The following DPYS variants were observed in gnomAD, a reference collection of about 807,000 sequenced individuals.
DPYS encodes dihydropyrimidinase, also known as dihydropyrimidine amidohydrolase.
A neutral mutation model predicts 50.3 loss-of-function variants in DPYS; 39 were observed. That is an observed-to-expected ratio of 0.78 (90% CI 0.60 to 1.01). The LOEUF is 1.01. Ranked by LOEUF, DPYS falls within the 50% of genes least tolerant of loss-of-function variation. The pLI, the probability that DPYS is intolerant of heterozygous loss-of-function variation, is 0.00. For missense variants in DPYS, 659 were observed against 680.9 expected (o/e 0.97, Z 0.36); for synonymous variants, 245 against 250.7 (o/e 0.98, Z 0.22).
rs765233578 is a variant in DPYS at position 104,392,785 on chromosome 8, C to T, written c.1442G>A (p.Arg481Gln). 2.2e-5 allele frequency: 36 copies of T among 1,613,928 alleles called. No individual in the cohort carries two copies. The highest frequency in any genetic ancestry group is 2.8e-5 in the Non-Finnish European group (33 of 1,179,980). ...YIYKRIKQRD[R>Q]TCTPTPVERA... ...AGTATCCCACTGTGGCACACTCACC[C>T]GGTCTCGCTGCTTTATTCGTTTGTA... Residue 481 changes from arginine to glutamine, a missense_variant and splice_region_variant, in exon 8 of 10, where the codon CGG (arginine) becomes CAG (glutamine). Physicochemically the swap from Arg to Gln is conservative, Grantham distance 43 (BLOSUM62 1). Transcript: ENST00000351513.
intron 4 of DPYS, among the ~76,000 whole-genome samples, chr8:104,440,901 T>A (rs1813331844): frequency 6.6e-6 from 1 of 152,218 alleles, no homozygotes; most frequent in African/African-American, 2.4e-5. Flanking sequence ...TTAGAAATGA[T>A]GTTAGATAAT....
chr8:104,455,956 A>G (rs73293235), intron 1 of DPYS, among the ~76,000 whole-genome samples: 3,033 of 152,298 alleles, frequency 0.02, 93 homozygotes, highest in African/African-American at 0.07. Flanking sequence ...ATATATGTAC[A>G]GCCATGTACC....
In DPYS at chr8:104,393,589, T is replaced by C. The variant is rs117996299; in HGVS notation, c.1236-598A>G. Among the ~76,000 whole-genome samples, 562 of 152,320 alleles carry C rather than the reference T, an allele frequency of 3.7e-3. 3 individuals are homozygous for C. Among genetic ancestry groups the C allele is most frequent in the Non-Finnish European group, 5.3e-3 (358 of 68,026 alleles). On this transcript the variant is annotated intron_variant, in intron 7 of 9. Coordinates refer to ENST00000351513, the MANE Select transcript of DPYS (RefSeq NM_001385.3). Reference sequence around the variant, plus strand: ...AAGATAACAGAAATAATAAAATACGTTGGAATATAATCTCTTAGCATATTC... The same window carrying C: ...AAGATAACAGAAATAATAAAATACGCTGGAATATAATCTCTTAGCATATTC...
At chr8:104,431,367 AC>A (rs1217710080) in intron 4 of DPYS, among the ~76,000 whole-genome samples, 1 of 151,692 alleles carries the variant, frequency 6.6e-6, no homozygotes, top group Non-Finnish European at 1.5e-5. Context: ...TTAAAATGTG[AC>A]AGGCCACTTT....
intron 8 of DPYS, among the ~76,000 whole-genome samples, chr8:104,386,566 T>C (rs752356741): frequency 2.7e-5 from 4 of 150,062 alleles, no homozygotes; most frequent in Non-Finnish European, 4.4e-5. Flanking sequence ...AATTTAATCA[T>C]ATTGACTGCT....
At chr8:104,447,720 A>G (rs746647793) in intron 2 of DPYS, among the ~76,000 whole-genome samples, 3 of 152,194 alleles carry the variant, frequency 2.0e-5, no homozygotes, top group Non-Finnish European at 4.4e-5. Context: ...ATACTTTTAA[A>G]TCATGAAAAA....
intron 1 of DPYS, among the ~76,000 whole-genome samples, chr8:104,459,541 G>A (rs1206941391): frequency 3.3e-5 from 5 of 152,124 alleles, no homozygotes; most frequent in African/African-American, 1.2e-4. Context: ...AAAATCCTTA[G>A]TTTGGGATTA....
Position 104,428,089 on chromosome 8 carries a change from C to T in DPYS, c.983G>A (p.Cys328Tyr). The change falls in exon 6 of 10, where the codon TGC becomes TAC. Residue 328 changes from cysteine (C) to tyrosine (Y), a missense_variant. Cys to Tyr is a radical substitution (Grantham distance 194, BLOSUM62 -2). Transcript: ENST00000351513. ...DDLTTTGTDNCTFNTCQKALG... is the reference protein window; with the variant it reads ...DDLTTTGTDNYTFNTCQKALG... ...AGCTTTCTGGCAGGTGTTGAAAGTGCAGTTATCAGTCCCTGTTGTGGTTAG... is the reference window on the plus strand; with the variant it reads ...AGCTTTCTGGCAGGTGTTGAAAGTGTAGTTATCAGTCCCTGTTGTGGTTAG... 1 of 1,614,230 alleles carries T rather than the reference C, an allele frequency of 6.2e-7. No homozygotes were observed.
At chr8:104,404,932 A>AAAAC (rs201902917) in intron 7 of DPYS, among the ~76,000 whole-genome samples, 30 of 152,332 alleles carry the variant, frequency 2.0e-4, no homozygotes, top group Admixed American at 2.6e-4. Context: ...TCTAGTGGCA[A>AAAAC]AAACAAACAA....
chr8:104,399,866 C>CAAAAAAAAA (rs57562204), intron 7 of DPYS, among the ~76,000 whole-genome samples: 7 of 52,520 alleles, frequency 1.3e-4, no homozygotes, highest in Non-Finnish European at 1.9e-4. Context: ...GACTCCGTCT[C>CAAAAAAAAA]AAAAAAAAAA....
At chr8:104,399,029 G>A (rs1466598477) in intron 7 of DPYS, among the ~76,000 whole-genome samples, 2 of 152,074 alleles carry the variant, frequency 1.3e-5, no homozygotes, top group East Asian at 1.9e-4. Context: ...GGTGGCTCAC[G>A]CCTGTAATCC....
chr8:104,398,398 C>G (rs1241968543), intron 7 of DPYS, among the ~76,000 whole-genome samples: 1 of 152,226 alleles, frequency 6.6e-6, no homozygotes, highest in Admixed American at 6.5e-5. Flanking sequence ...CTGTGGGATG[C>G]CTGGGGCATC....
chr8:104,423,041 A>C (rs1440168973), intron 7 of DPYS, among the ~76,000 whole-genome samples: 1 of 152,238 alleles, frequency 6.6e-6, no homozygotes, highest in African/African-American at 2.4e-5. Flanking sequence ...ATTATTTTGT[A>C]TGCAACCAGA....
At chr8:104,381,160 C>T in intron 9 of DPYS, 24 bp downstream of exon 9, 5 of 1,592,654 alleles carry the variant, frequency 3.1e-6, no homozygotes, top group South Asian at 1.1e-5. Flanking sequence ...TGCAGGAAGA[C>T]TTTTCTTGCC....
At position 104,428,133 on chromosome 8, in the gene DPYS, A is replaced by G. The variant is rs1449028630; in HGVS notation, c.951-12T>C. 3.7e-6 allele frequency: 6 copies of G among 1,614,236 alleles called. No individual in the cohort carries two copies. The highest frequency in any genetic ancestry group is 5.1e-6 in the Non-Finnish European group (6 of 1,180,012). ...TGGTTAGATCATCACTGTAAAAGAA[A>G]AAACACGAGAGTGATGGGGTGAGTA... On this transcript the variant is annotated splice_polypyrimidine_tract_variant and intron_variant, in intron 5 of 9. Coordinates refer to ENST00000351513, the MANE Select transcript of DPYS (RefSeq NM_001385.3).
chr8:104,401,066 T>C (rs1811786059), intron 7 of DPYS, among the ~76,000 whole-genome samples: 1 of 152,072 alleles, frequency 6.6e-6, no homozygotes, highest in Admixed American at 6.5e-5. Flanking sequence ...AAATGACTTG[T>C]TTTAGGTATT....
intron 1 of DPYS, among the ~76,000 whole-genome samples, chr8:104,459,718 C>G (rs1267709258): frequency 2.6e-5 from 4 of 152,170 alleles, no homozygotes; most frequent in Non-Finnish European, 5.9e-5. Context: ...CCTCAATTAT[C>G]ATAAATCCCC....
intron 7 of DPYS, chr8:104,423,976 G>C: frequency 1.0e-6 from 1 of 985,122 alleles, no homozygotes; most frequent in Non-Finnish European, 1.2e-6. Flanking sequence ...TCGGGCATTT[G>C]CCAGGCACTG....
intron 8 of DPYS, among the ~76,000 whole-genome samples, chr8:104,388,663 T>C (rs972999086): frequency 6.6e-6 from 1 of 152,240 alleles, no homozygotes; most frequent in Non-Finnish European, 1.5e-5. Context: ...TATGTTATAT[T>C]TATCAAATAA....
Sources: gnomAD v4.1 joint callset for allele counts (sites outside exome capture counted in the v4.1 genomes callset) on GRCh38, gnomAD v4.1.1 for gene constraint, MANE v1.5 for transcripts, NCBI Gene and HGNC (gene_info 2026-07-23, HGNC 2026-07-21) for gene names.